TRDN: variants seen among roughly 807,000 people sequenced by gnomAD.
TRDN encodes triadin.
A neutral mutation model predicts 149.7 loss-of-function variants in TRDN; 161 were observed. That is an observed-to-expected ratio of 1.08 (90% confidence interval 0.95 to 1.23). The LOEUF (loss-of-function observed/expected upper bound fraction) is 1.23. Among genes scored for constraint, TRDN ranks in the 50% most tolerant of loss-of-function variants. The pLI is 0.00. For missense variants in TRDN, 896 were observed against 823.5 expected (o/e 1.09, Z -1.08); for synonymous variants, 294 against 250.5 (o/e 1.17, Z -1.64).
chr6:123,426,377 C>T (rs75600574), intron 12 of TRDN, among the ~76,000 whole-genome samples: 248 of 152,156 alleles, frequency 1.6e-3, no homozygotes, highest in African/African-American at 5.7e-3. Flanking sequence ...AATGGAATCA[C>T]CAGGCATTCT....
At chr6:123,488,152 C>G (rs1303392830) in intron 9 of TRDN, among the ~76,000 whole-genome samples, 1 of 152,126 alleles carries the variant, frequency 6.6e-6, no homozygotes, top group African/African-American at 2.4e-5. Context: ...TTCTTCACCT[C>G]TGACCTTTCT....
intron 12 of TRDN, among the ~76,000 whole-genome samples, chr6:123,407,518 G>T (rs1773244897): frequency 6.6e-6 from 1 of 152,054 alleles, no homozygotes; most frequent in South Asian, 2.1e-4. Context: ...TTCTATGCTT[G>T]CTTTTGCTGT....
chr6:123,494,393 A>G (rs1475867254), intron 9 of TRDN, among the ~76,000 whole-genome samples: 5 of 152,090 alleles, frequency 3.3e-5, no homozygotes, highest in Non-Finnish European at 7.3e-5. Flanking sequence ...CGACTATTAA[A>G]CTACTAGCAT....
intron 20 of TRDN, among the ~76,000 whole-genome samples, chr6:123,364,973 C>T (rs987292727): frequency 1.1e-4 from 17 of 152,058 alleles, no homozygotes; most frequent in South Asian, 4.1e-4. Flanking sequence ...AATATGACAC[C>T]GCATTAACAA....
intron 13 of TRDN, chr6:123,389,375 G>C (rs1418703048): frequency 6.6e-6 from 1 of 152,150 alleles, no homozygotes; most frequent in South Asian, 2.1e-4. Context: ...ACCTCAGCGG[G>C]ATAGAATGTT....
At chr6:123,363,901 C>A (rs1264942954) in intron 20 of TRDN, among the ~76,000 whole-genome samples, 1 of 152,114 alleles carries the variant, frequency 6.6e-6, no homozygotes, top group Non-Finnish European at 1.5e-5. Flanking sequence ...ACATAGTGAA[C>A]CCAAATGGAG....
chr6:123,633,947 C>A (rs1278835738), intron 1 of TRDN, among the ~76,000 whole-genome samples: 2 of 151,950 alleles, frequency 1.3e-5, no homozygotes, highest in Non-Finnish European at 2.9e-5. Flanking sequence ...TCTGTATGAG[C>A]CTTGTCTTCC....
At chr6:123,446,402 A>G (rs1365690082) in intron 10 of TRDN, among the ~76,000 whole-genome samples, 2 of 151,844 alleles carry the variant, frequency 1.3e-5, no homozygotes, top group Non-Finnish European at 2.9e-5. Flanking sequence ...AAGAAAATAA[A>G]TAAATAAATG....
At chr6:123,623,530 A>G (rs11962475) in intron 1 of TRDN, among the ~76,000 whole-genome samples, 37,649 of 151,768 alleles carry the variant, frequency 0.25, 4,780 homozygotes, top group East Asian at 0.43. Context: ...GATCGTTGCA[A>G]CAAATTTTTC....
chr6:123,276,522 C>T (rs892697289), intron 26 of TRDN, among the ~76,000 whole-genome samples: 1 of 152,014 alleles, frequency 6.6e-6, no homozygotes, highest in Non-Finnish European at 1.5e-5. Flanking sequence ...TACCGTTAAT[C>T]GAATAAGAAC....
intron 24 of TRDN, among the ~76,000 whole-genome samples, chr6:123,287,993 A>C (rs1777861068): frequency 6.6e-6 from 1 of 151,606 alleles, no homozygotes; most frequent in East Asian, 2.0e-4. Flanking sequence ...ATTGCATTAA[A>C]AGCAAACAAA....
At chr6:123,328,034 T>A (rs950786714) in intron 23 of TRDN, among the ~76,000 whole-genome samples, 11 of 152,206 alleles carry the variant, frequency 7.2e-5, no homozygotes, top group Non-Finnish European at 1.3e-4. Flanking sequence ...TAAGCCATAT[T>A]ATCAACCTAG....
At chr6:123,591,720 T>C (rs1191018896) in intron 1 of TRDN, among the ~76,000 whole-genome samples, 1 of 152,210 alleles carries the variant, frequency 6.6e-6, no homozygotes. Context: ...TTTGTTTTTA[T>C]CATTTAATCT....
chr6:123,295,175 C>G (rs944280639), intron 24 of TRDN, among the ~76,000 whole-genome samples: 1 of 152,120 alleles, frequency 6.6e-6, no homozygotes, highest in South Asian at 2.1e-4. Context: ...CATGACAACA[C>G]CCAGGAGTTA....
At chr6:123,403,662 T>C (rs1465352639) in intron 12 of TRDN, among the ~76,000 whole-genome samples, 1 of 152,060 alleles carries the variant, frequency 6.6e-6, no homozygotes, top group African/African-American at 2.4e-5. Flanking sequence ...CCTATTAAAA[T>C]AGCAGGAATA....
intron 24 of TRDN, among the ~76,000 whole-genome samples, chr6:123,294,632 A>G (rs1224103047): frequency 6.6e-6 from 1 of 152,192 alleles, no homozygotes; most frequent in Non-Finnish European, 1.5e-5. Context: ...CTGTTAATCT[A>G]ACAGGAAGTG....
At chr6:123,597,022 T>A (rs1441588621) in intron 1 of TRDN, among the ~76,000 whole-genome samples, 5 of 152,076 alleles carry the variant, frequency 3.3e-5, no homozygotes, top group Non-Finnish European at 7.4e-5. Context: ...TACGTTTTTG[T>A]AAAGCTATAG....
At chr6:123,466,747 G>T (rs1776843961) in intron 9 of TRDN, among the ~76,000 whole-genome samples, 1 of 151,956 alleles carries the variant, frequency 6.6e-6, no homozygotes, top group Non-Finnish European at 1.5e-5. Flanking sequence ...CAAAGAAGGA[G>T]TCAGTTAAAT....
At chr6:123,500,153 A>C (rs910969348) in intron 8 of TRDN, among the ~76,000 whole-genome samples, 1 of 152,156 alleles carries the variant, frequency 6.6e-6, no homozygotes, top group African/African-American at 2.4e-5. Context: ...TTTTTAACTT[A>C]GAAAATTATT....
Sources: gnomAD v4.1 joint callset for allele counts (sites outside exome capture counted in the v4.1 genomes callset) on GRCh38, gnomAD v4.1.1 for gene constraint, MANE v1.5 for transcripts, NCBI Gene and HGNC (gene_info 2026-07-23, HGNC 2026-07-21) for gene names.